SNX29: variants seen among roughly 807,000 people sequenced by gnomAD.
SNX29 encodes the protein sorting nexin-29.
SNX29 carries 78 observed loss-of-function variants against 102.1 expected under a neutral mutation model. The observed-to-expected ratio is 0.76, with a 90% CI of 0.64 to 0.92. The LOEUF (loss-of-function observed/expected upper bound fraction) is 0.92, where lower values mean the gene tolerates loss of function less well. Among genes scored for constraint, SNX29 ranks in the 40% least tolerant of loss-of-function variants. SNX29 has a pLI of 0.00. For missense variants in SNX29, 1,280 were observed against 1,061.7 expected, an observed-to-expected ratio of 1.21 and a Z score of -2.86; for synonymous variants, 580 against 414.5, an observed-to-expected ratio of 1.40 and a Z score of -4.85.
chr16:12,392,507 A>C (rs1372196735), intron 16 of SNX29, among the ~76,000 whole-genome samples: 1 of 152,156 alleles, frequency 6.6e-6, no homozygotes, highest in Non-Finnish European at 1.5e-5. Flanking sequence ...CAGTGGGAAC[A>C]TTCACTGAGC....
intron 18 of SNX29, among the ~76,000 whole-genome samples, chr16:12,438,753 AG>A (rs1419154871): frequency 6.6e-6 from 1 of 152,216 alleles, no homozygotes; most frequent in Non-Finnish European, 1.5e-5. Flanking sequence ...AAATCAGAAG[AG>A]GTCACATTTG....
At chr16:12,561,530 T>C (rs2078723198) in intron 20 of SNX29, among the ~76,000 whole-genome samples, 1 of 152,096 alleles carries the variant, frequency 6.6e-6, no homozygotes, top group South Asian at 2.1e-4. Flanking sequence ...AAAGTTAGTC[T>C]CTCCTCGCAG....
chr16:12,562,977 C>G (rs1044474663), intron 20 of SNX29, among the ~76,000 whole-genome samples: 11 of 107,048 alleles, frequency 1.0e-4, no homozygotes, highest in Non-Finnish European at 1.7e-4. Flanking sequence ...GGGGTGAGGG[C>G]TGATGCGTAA....
At chr16:12,561,592 CTGG>C in intron 20 of SNX29, among the ~76,000 whole-genome samples, 1 of 152,204 alleles carries the variant, frequency 6.6e-6, no homozygotes, top group East Asian at 1.9e-4. Context: ...CAGCCGCATG[CTGG>C]TGACAGGACA....
chr16:12,552,479 T>C (rs769333478), intron 20 of SNX29, among the ~76,000 whole-genome samples: 8 of 152,188 alleles, frequency 5.3e-5, no homozygotes, highest in Non-Finnish European at 1.0e-4. Flanking sequence ...ACCCAACGAT[T>C]GGGCCTCAGG....
intron 3 of SNX29, among the ~76,000 whole-genome samples, chr16:12,010,502 T>C (rs2151053429): frequency 6.6e-6 from 1 of 152,210 alleles, no homozygotes; most frequent in Admixed American, 6.5e-5. Flanking sequence ...GGTGCAGGCC[T>C]GTGGTCTCAG....
intron 18 of SNX29, among the ~76,000 whole-genome samples, chr16:12,466,451 A>G (rs1017253840): frequency 2.0e-5 from 3 of 152,246 alleles, no homozygotes; most frequent in Admixed American, 6.5e-5. Context: ...ATACAGCAGC[A>G]TAGTGATCAT....
chr16:12,499,437 G>A (rs1232574343), intron 19 of SNX29, among the ~76,000 whole-genome samples: 1 of 152,194 alleles, frequency 6.6e-6, no homozygotes, highest in Admixed American at 6.5e-5. Flanking sequence ...AGATTCTCAA[G>A]GCAAGTGGTA....
In SNX29 at chr16:12,240,174, G is replaced by T. The variant is rs552588284; in HGVS notation, c.1679-37759G>T. Among the ~76,000 whole-genome samples the T allele has an allele frequency of 3.6e-4, 55 of 152,296 alleles. 1 individual carries two copies. Among genetic ancestry groups the T allele is most frequent in the Admixed American group, 8.5e-4 (13 of 15,298 alleles). ...GTTATTTGTTGTTATTACTGCCATG[G>T]TGATCTTTATATCCACATTTTAGTG... On this transcript the variant is annotated intron_variant, in intron 14 of 20. Transcript: ENST00000566228.
chr16:12,445,350 C>G (rs1330372761), intron 18 of SNX29, among the ~76,000 whole-genome samples: 1 of 152,108 alleles, frequency 6.6e-6, no homozygotes, highest in African/African-American at 2.4e-5. Context: ...TCGAGATGCC[C>G]CCGCTTCAGG....
chr16:12,314,174 A>G lies in SNX29; in HGVS notation c.1782+36138A>G, dbSNP rs866029329. ...CCTGGCTATTTTTTTATTTTTTTTA[A>G]CCTTTGTACAGCTGGGGTCTTTCTG... is the stretch of plus-strand genomic sequence containing the variant. On this transcript the variant is annotated intron_variant, in intron 15 of 20. Transcript: ENST00000566228. Among the ~76,000 whole-genome samples the G allele has an allele frequency of 2.6e-5, 4 of 151,778 alleles. 1 individual carries two copies. Among genetic ancestry groups the G allele is most frequent in the Middle Eastern group, 6.3e-3 (2 of 316 alleles).
chr16:12,249,120 G>A (rs1223678404), intron 14 of SNX29, among the ~76,000 whole-genome samples: 1 of 152,140 alleles, frequency 6.6e-6, no homozygotes, highest in Non-Finnish European at 1.5e-5. Context: ...TGAGTTAGGG[G>A]TTCAGTCAGG....
chr16:12,318,759 C>G (rs77333266), intron 15 of SNX29, among the ~76,000 whole-genome samples: 1 of 151,876 alleles, frequency 6.6e-6, no homozygotes, highest in Non-Finnish European at 1.5e-5. Context: ...ATCTGCAGAC[C>G]AACTCAAAAT....
At chr16:12,546,752 A>G (rs2077630400) in intron 20 of SNX29, 1 of 145,004 alleles carries the variant, frequency 6.9e-6, no homozygotes, top group Non-Finnish European at 1.5e-5. Flanking sequence ...AAAATTAGAC[A>G]TTTAAACAGC....
chr16:12,042,988 C>T lies in SNX29; in HGVS notation c.339C>T (p.Gly113=). 2.5e-6 allele frequency: 4 copies of T among 1,613,784 alleles called. No homozygotes were observed. Among genetic ancestry groups the T allele is most frequent in the Non-Finnish European group, 2.5e-6 (3 of 1,179,870 alleles). The change falls in exon 5 of 21, where the codon GGC becomes GGT. Residue 113 remains glycine, a synonymous_variant. Transcript: ENST00000566228. ...YSLRHIASDV[G]RGRAWLRCAL... ...TGCGCCACATCGCCTCAGACGTGGGCCGGGGTCGCGCCTGGCTGCGCTGTG... is the reference window on the plus strand; with the variant it reads ...TGCGCCACATCGCCTCAGACGTGGGTCGGGGTCGCGCCTGGCTGCGCTGTG...
intron 14 of SNX29, among the ~76,000 whole-genome samples, chr16:12,270,922 A>T (rs1483339435): frequency 2.0e-5 from 3 of 152,194 alleles, no homozygotes; most frequent in African/African-American, 7.2e-5. Context: ...GTGTGCCTGT[A>T]ATCCCAGCTA....
chr16:12,536,743 C>G (rs1232293243), intron 20 of SNX29, among the ~76,000 whole-genome samples: 1 of 152,108 alleles, frequency 6.6e-6, no homozygotes, highest in Non-Finnish European at 1.5e-5. Flanking sequence ...TTTGGGAGGT[C>G]AAGGCAGGCG....
chr16:12,385,489 AG>A (rs2083310042), intron 16 of SNX29, among the ~76,000 whole-genome samples: 1 of 152,186 alleles, frequency 6.6e-6, no homozygotes, highest in Non-Finnish European at 1.5e-5. Flanking sequence ...AGGCCAAGGC[AG>A]GGAGAAGTGA....
chr16:12,406,533 G>A (rs745799738), intron 18 of SNX29, among the ~76,000 whole-genome samples: 1 of 152,232 alleles, frequency 6.6e-6, no homozygotes, highest in Non-Finnish European at 1.5e-5. Flanking sequence ...TCTCAGGAGA[G>A]CGGTGCTCCC....
Sources: gnomAD v4.1 joint callset for allele counts (sites outside exome capture counted in the v4.1 genomes callset) on GRCh38, gnomAD v4.1.1 for gene constraint, MANE v1.5 for transcripts, NCBI Gene and HGNC (gene_info 2026-07-23, HGNC 2026-07-21) for gene names.